NAV1: variants seen among roughly 807,000 people sequenced by gnomAD.
NAV1 encodes the protein neuron navigator 1.
Under a neutral mutation model 175.2 loss-of-function variants are expected in NAV1, and 18 were observed. The ratio of observed to expected loss-of-function variants is 0.10; its 90% CI spans 0.07 to 0.15. NAV1 has a LOEUF of 0.15. NAV1 is among the 10% of genes least tolerant of loss of function. The pLI, the probability that NAV1 is intolerant of heterozygous loss-of-function variation, is 1.00. For synonymous variants in NAV1, 897 were observed against 978.7 expected, an observed-to-expected ratio of 0.92 and a Z score of 1.56; for missense variants, 1,731 against 2,436.6, an observed-to-expected ratio of 0.71 and a Z score of 6.10.
intron 1 of NAV1, among the ~76,000 whole-genome samples, chr1:201,651,888 G>A (rs1169386339): frequency 6.6e-6 from 1 of 152,084 alleles, no homozygotes; most frequent in Non-Finnish European, 1.5e-5. Context: ...TCAGGCTGTA[G>A]CAAGGCAGAG....
At chr1:201,815,692 A>T (rs1678984514) in intron 28 of NAV1, among the ~76,000 whole-genome samples, 1 of 152,196 alleles carries the variant, frequency 6.6e-6, no homozygotes, top group Admixed American at 6.5e-5. Flanking sequence ...TATAGTTAAT[A>T]ACAATGTATC....
intron 3 of NAV1, among the ~76,000 whole-genome samples, chr1:201,779,197 GA>G (rs1558153266): frequency 1.3e-5 from 2 of 152,152 alleles, no homozygotes; most frequent in African/African-American, 4.8e-5. Flanking sequence ...AAAGAAATGT[GA>G]ATAGCAAAGA....
At chr1:201,599,217 G>T (rs1358051698) in intron 2 of NAV1, among the ~76,000 whole-genome samples, 2 of 152,194 alleles carry the variant, frequency 1.3e-5, no homozygotes, top group Non-Finnish European at 2.9e-5. Flanking sequence ...GTGATTCAAG[G>T]TTCCCAGCTC....
intron 1 of NAV1, among the ~76,000 whole-genome samples, chr1:201,704,582 A>C (rs1399745066): frequency 6.6e-6 from 1 of 152,236 alleles, no homozygotes; most frequent in Non-Finnish European, 1.5e-5. Context: ...TTGCGTAGCC[A>C]CTTGGCATCA....
At chr1:201,705,680 T>C (rs980354728) in intron 1 of NAV1, among the ~76,000 whole-genome samples, 2 of 152,156 alleles carry the variant, frequency 1.3e-5, no homozygotes, top group Non-Finnish European at 2.9e-5. Context: ...GTCCCCTGCC[T>C]GCATCCTCCA....
intron 1 of NAV1, among the ~76,000 whole-genome samples, chr1:201,587,597 T>C (rs1380622153): frequency 6.6e-6 from 1 of 151,436 alleles, no homozygotes; most frequent in Non-Finnish European, 1.5e-5. Flanking sequence ...TGTGGGAGGA[T>C]AGCTTGAGCC....
In NAV1 at chr1:201,808,182, T is replaced by C. The variant is rs1678428848; in HGVS notation, c.3845+33T>C. The C allele has an allele frequency of 6.2e-7, 1 of 1,609,662 alleles. No homozygotes were observed. Among genetic ancestry groups the C allele is most frequent in the Non-Finnish European group, 8.5e-7 (1 of 1,176,582 alleles). On this transcript the variant is annotated intron_variant, in intron 18 of 29. Coordinates refer to ENST00000367296, the Ensembl canonical transcript of NAV1. The surrounding 1 kb of genome is among the most constrained non-coding windows in gnomAD (Gnocchi z 5.5). The stretch of plus-strand genomic sequence containing the variant: ...CTCTTTGGCTCCCTGCCACCCAGCC[T>C]GTTACCAGTGTAAGCTGTGGGCTAG...
chr1:201,566,302 G>T (rs1443993657), intron 1 of NAV1, among the ~76,000 whole-genome samples: 1 of 152,024 alleles, frequency 6.6e-6, no homozygotes, highest in Non-Finnish European at 1.5e-5. Flanking sequence ...GCCTGCTCGA[G>T]GCTCACCGCC....
chr1:201,566,551 C>A (rs1175098618), intron 1 of NAV1, among the ~76,000 whole-genome samples: 1 of 152,142 alleles, frequency 6.6e-6, no homozygotes, highest in Non-Finnish European at 1.5e-5. Context: ...AGGGCTGTAT[C>A]AGAAGTCAGT....
intron 1 of NAV1, among the ~76,000 whole-genome samples, chr1:201,679,050 G>T (rs531847145): frequency 6.6e-6 from 1 of 152,086 alleles, no homozygotes; most frequent in African/African-American, 2.4e-5. Flanking sequence ...CTATTTACTG[G>T]GGGGGAGACA....
At chr1:201,696,004 G>C (rs1671174132) in intron 1 of NAV1, among the ~76,000 whole-genome samples, 1 of 152,242 alleles carries the variant, frequency 6.6e-6, no homozygotes, top group South Asian at 2.1e-4. Flanking sequence ...AGCCCACAAA[G>C]GCTGAGCGGC....
upstream of NAV1, among the ~76,000 whole-genome samples, chr1:201,621,624 G>A (rs1051804635): frequency 2.0e-5 from 3 of 152,124 alleles, no homozygotes; most frequent in Admixed American, 6.5e-5. Context: ...GAGCCACTGC[G>A]CCCAGTCTGT....
Position 201,629,386 on chromosome 1 carries a change from C to A in NAV1, c.-100-18C>A. 1 of 1,299,620 alleles carries A rather than the reference C, an allele frequency of 7.7e-7. No individual in the cohort carries two copies. Among genetic ancestry groups the A allele is most frequent in the Non-Finnish European group, 1.0e-6 (1 of 986,656 alleles). 80.5% of individuals were successfully genotyped at this position (1,299,620 alleles called of 1,614,324 possible). Reference sequence around the variant, plus strand: ...GGACATCTCTACCATGAGTGACTACCCTTTCTTGGTCCCACAGGTTGCAAA... The same window carrying A: ...GGACATCTCTACCATGAGTGACTACACTTTCTTGGTCCCACAGGTTGCAAA... On this transcript the variant is annotated intron_variant, in intron 1 of 29. Transcript: ENST00000367302.
intron 1 of NAV1, among the ~76,000 whole-genome samples, chr1:201,560,862 G>T (rs999674718): frequency 6.6e-6 from 1 of 152,236 alleles, no homozygotes. Flanking sequence ...TGACGGGAAG[G>T]CCAGGCTGCT....
intron 1 of NAV1, among the ~76,000 whole-genome samples, chr1:201,665,830 C>T (rs1350375736): frequency 2.0e-5 from 3 of 151,806 alleles, no homozygotes; most frequent in Non-Finnish European, 4.4e-5. Flanking sequence ...ACGTTGCATC[C>T]TCCCTCATCT....
At chr1:201,596,517 TTTTG>T (rs969865301) in intron 2 of NAV1, among the ~76,000 whole-genome samples, 5 of 152,136 alleles carry the variant, frequency 3.3e-5, no homozygotes, top group African/African-American at 7.2e-5. Context: ...CCTCAGGACT[TTTTG>T]TTTGTTTGTT....
chr1:201,639,519 G>A (rs1355059791), intron 2 of NAV1, among the ~76,000 whole-genome samples: 2 of 152,300 alleles, frequency 1.3e-5, no homozygotes, highest in South Asian at 2.1e-4. Context: ...TTCTAGCCTG[G>A]GGGCCGGGAC....
At chr1:201,684,444 G>T (rs918407643) in intron 1 of NAV1, among the ~76,000 whole-genome samples, 4 of 147,878 alleles carry the variant, frequency 2.7e-5, no homozygotes, top group Non-Finnish European at 4.5e-5. Flanking sequence ...ATAGCACGTG[G>T]TTCATTCTAA....
At position 201,782,084 on chromosome 1, in the gene NAV1, A is replaced by G. The variant is rs926115417; in HGVS notation, c.1664-92A>G. The G allele has an allele frequency of 6.6e-5, 76 of 1,154,428 alleles. No individual in the cohort carries two copies. Among genetic ancestry groups the G allele is most frequent in the Non-Finnish European group, 1.2e-5 (10 of 815,026 alleles). The allele number at this position is 1,154,428 out of a possible 1,614,324, so 71.5% of individuals were successfully genotyped here. On this transcript the variant is annotated intron_variant, in intron 5 of 29. Coordinates refer to ENST00000367296, the Ensembl canonical transcript of NAV1. This position sits in a 1 kb window ranked among gnomAD's most constrained non-coding sequence, Gnocchi z 5.4. ...TCTAAAAGTCTACAATACATGGACA[A>G]TGTTCCCTTCTCCCATGGAGGGAAA...
Sources: gnomAD v4.1 joint callset for allele counts (sites outside exome capture counted in the v4.1 genomes callset) on GRCh38, gnomAD v4.1.1 for gene constraint, Gnocchi (gnomAD v3.1) non-coding constraint, MANE v1.5 for transcripts, NCBI Gene and HGNC (gene_info 2026-07-23, HGNC 2026-07-21) for gene names.